The following KHDRBS2 variants were observed in gnomAD, a reference collection of about 807,000 sequenced individuals.
KHDRBS2 encodes KH domain-containing, RNA-binding, signal transduction-associated protein 2.
KHDRBS2 carries 26 observed loss-of-function variants against 44.3 expected under a neutral mutation model. That is an observed-to-expected ratio of 0.59 (90% CI 0.43 to 0.81). The LOEUF is 0.81. KHDRBS2 is among the 40% of genes least tolerant of loss of function. The probability of loss-of-function intolerance (pLI) is 0.00; values close to 1 mark genes in which losing one functional copy is unlikely to be tolerated. For missense variants in KHDRBS2, 476 were observed against 433.1 expected (o/e 1.10, Z -0.88); for synonymous variants, 194 against 151.1 (o/e 1.28, Z -2.08).
chr6:61,602,938 T>TC, the KHDRBS2 span, among the ~76,000 whole-genome samples: 374 of 152,058 alleles, frequency 2.5e-3, no homozygotes, highest in African/African-American at 8.7e-3. Context: ...TTGCCACCTT[T>TC]CCCCCCAGTT....
intron 6 of KHDRBS2, among the ~76,000 whole-genome samples, chr6:61,842,876 G>A (rs1793785410): frequency 6.7e-6 from 1 of 149,018 alleles, no homozygotes; most frequent in East Asian, 2.0e-4. Context: ...AATCTATACA[G>A]ATAATCTATA....
chr6:61,957,455 A>T (rs530731845), intron 4 of KHDRBS2, among the ~76,000 whole-genome samples: 73 of 152,262 alleles, frequency 4.8e-4, no homozygotes, highest in Admixed American at 2.3e-3. Context: ...GCAAGGAACA[A>T]CCCTGAGAAA....
intron 2 of KHDRBS2, among the ~76,000 whole-genome samples, chr6:62,112,526 T>C (rs1404162865): frequency 6.6e-6 from 1 of 152,064 alleles, no homozygotes; most frequent in Non-Finnish European, 1.5e-5. Context: ...CACCAGCAAA[T>C]ATGTTCACTG....
At chr6:61,800,089 A>G (rs187052490) in intron 6 of KHDRBS2, among the ~76,000 whole-genome samples, 5 of 152,112 alleles carry the variant, frequency 3.3e-5, no homozygotes, top group Non-Finnish European at 5.9e-5. Flanking sequence ...GGTAAAATTT[A>G]ATTCTGAATT....
chr6:61,585,584 T>A, the KHDRBS2 span, among the ~76,000 whole-genome samples: 1 of 152,132 alleles, frequency 6.6e-6, no homozygotes, highest in Non-Finnish European at 1.5e-5. Flanking sequence ...CAACACTTTA[T>A]AATAACTAAT....
chr6:61,995,900 A>T (rs1468947603), intron 3 of KHDRBS2, among the ~76,000 whole-genome samples: 2 of 152,188 alleles, frequency 1.3e-5, no homozygotes, highest in Non-Finnish European at 2.9e-5. Flanking sequence ...TCTTACAAGG[A>T]TCTTTATCAG....
the KHDRBS2 span, among the ~76,000 whole-genome samples, chr6:61,627,516 C>A: frequency 6.6e-6 from 1 of 152,140 alleles, no homozygotes; most frequent in Non-Finnish European, 1.5e-5. Context: ...GGGCTTTGAG[C>A]CATGTGATCT....
chr6:62,096,372 G>C (rs1326664693), intron 2 of KHDRBS2, among the ~76,000 whole-genome samples: 1 of 151,752 alleles, frequency 6.6e-6, no homozygotes, highest in Non-Finnish European at 1.5e-5. Context: ...TCTTTGATGG[G>C]AGACTTTTTA....
At position 62,138,191 on chromosome 6, in the gene KHDRBS2, G is replaced by A. The variant is rs77481178; in HGVS notation, c.219+38994C>T. Among the ~76,000 whole-genome samples the A allele has an allele frequency of 8.5e-3, 1,290 of 152,096 alleles. 17 individuals are homozygous for A. The highest frequency in any genetic ancestry group is 0.03 in the African/African-American group (1,230 of 41,472). The stretch of plus-strand genomic sequence containing the variant: ...TTCTGTCTTCCTTGATTCCAAATAC[G>A]GTATACATAAAGGTTATCATATACT... On this transcript the variant is annotated intron_variant, in intron 2 of 8. Coordinates refer to ENST00000281156, the MANE Select transcript of KHDRBS2 (RefSeq NM_152688.4).
intron 1 of KHDRBS2, among the ~76,000 whole-genome samples, chr6:62,246,364 T>A (rs1234410257): frequency 6.6e-6 from 1 of 151,868 alleles, no homozygotes; most frequent in Non-Finnish European, 1.5e-5. Context: ...CCAACATATA[T>A]CTGAGATACT....
the KHDRBS2 span, among the ~76,000 whole-genome samples, chr6:61,654,949 G>T: frequency 6.6e-6 from 1 of 151,596 alleles, no homozygotes; most frequent in African/African-American, 2.4e-5. Flanking sequence ...ATAGGCTCCT[G>T]CCAGGGTACT....
Position 62,122,690 on chromosome 6 carries a change from C to T in KHDRBS2, c.219+54495G>A, listed in dbSNP as rs550121671. 5.3e-5 allele frequency among the ~76,000 whole-genome samples: 8 copies of T among 152,190 alleles called. No homozygotes were observed. The East Asian group carries it at 1.6e-3, about 30-fold the overall frequency. ...TTATGAGTGGTGTCTGCATACGTGG[C>T]TCTGCACAATATGAAGACACCACCT... On this transcript the variant is annotated intron_variant, in intron 2 of 8. Coordinates refer to ENST00000281156, the MANE Select transcript of KHDRBS2 (RefSeq NM_152688.4).
intron 5 of KHDRBS2, among the ~76,000 whole-genome samples, chr6:61,900,253 T>G (rs1172163356): frequency 1.3e-5 from 2 of 152,068 alleles, no homozygotes. Context: ...GATTTAAGTG[T>G]TACAAACAGT....
At chr6:62,080,534 T>A (rs1797189537) in intron 2 of KHDRBS2, among the ~76,000 whole-genome samples, 3 of 152,182 alleles carry the variant, frequency 2.0e-5, no homozygotes, top group Non-Finnish European at 2.9e-5. Context: ...ATTCTATTCT[T>A]CCTTCTCAAT....
intron 4 of KHDRBS2, among the ~76,000 whole-genome samples, chr6:61,957,480 G>A (rs1346775633): frequency 6.6e-6 from 1 of 150,632 alleles, no homozygotes; most frequent in Non-Finnish European, 1.5e-5. Flanking sequence ...ATGCGTCCCT[G>A]AGGGGAGGTC....
chr6:62,169,307 T>A (rs938743306), intron 2 of KHDRBS2, among the ~76,000 whole-genome samples: 2 of 151,326 alleles, frequency 1.3e-5, no homozygotes, highest in Admixed American at 1.3e-4. Context: ...GCGCCTAGAA[T>A]CAACCTCCAG....
chr6:61,722,978 G>C (rs1772930462), intron 7 of KHDRBS2, among the ~76,000 whole-genome samples: 1 of 152,078 alleles, frequency 6.6e-6, no homozygotes, highest in African/African-American at 2.4e-5. Context: ...CAAAGTGCTG[G>C]AATTACAGGC....
chr6:61,648,732 A>G, the KHDRBS2 span, among the ~76,000 whole-genome samples: 3 of 152,160 alleles, frequency 2.0e-5, no homozygotes, highest in African/African-American at 2.4e-5. Flanking sequence ...AAAGAAGCCA[A>G]CGTGTGGCCT....
the KHDRBS2 span, among the ~76,000 whole-genome samples, chr6:61,668,141 A>G: frequency 1.3e-5 from 2 of 151,082 alleles, no homozygotes; most frequent in Non-Finnish European, 3.0e-5. Flanking sequence ...TATATACCAA[A>G]ATACAGAACT....
Sources: gnomAD v4.1 joint callset for allele counts (sites outside exome capture counted in the v4.1 genomes callset) on GRCh38, gnomAD v4.1.1 for gene constraint, MANE v1.5 for transcripts, NCBI Gene and HGNC (gene_info 2026-07-23, HGNC 2026-07-21) for gene names.